The following VPS13A variants were observed in gnomAD, a reference collection of about 807,000 sequenced individuals.
VPS13A encodes vacuolar protein sorting 13 homolog A.
In VPS13A, 264 loss-of-function variants were observed where a neutral mutation model predicts 390.9. That is an observed-to-expected ratio of 0.68 (90% confidence interval 0.61 to 0.75). The LOEUF (loss-of-function observed/expected upper bound fraction) is 0.75, where lower values mean the gene tolerates loss of function less well. VPS13A is among the 30% of genes least tolerant of loss of function. The pLI is 0.00. For missense variants in VPS13A, 3,409 were observed against 3,733.9 expected (o/e 0.91, Z 2.27); for synonymous variants, 1,231 against 1,227.1 (o/e 1.00, Z -0.07).
chr9:77,251,898 A>G (rs554857865), intron 21 of VPS13A, among the ~76,000 whole-genome samples: 1 of 152,316 alleles, frequency 6.6e-6, no homozygotes, highest in African/African-American at 2.4e-5. Flanking sequence ...TAACATTTAA[A>G]CATTACCTAG....
intron 71 of VPS13A, among the ~76,000 whole-genome samples, chr9:77,413,748 A>C (rs532939552): frequency 3.3e-4 from 50 of 152,276 alleles, no homozygotes; most frequent in Admixed American, 1.6e-3. Flanking sequence ...AATGGGATCT[A>C]ATTAAACTAA....
rs1826070418 is a variant in VPS13A at position 77,213,220 on chromosome 9, A to C, written c.616-14A>C. The C allele has an allele frequency of 9.9e-6, 16 of 1,610,990 alleles. No homozygotes were observed. The highest frequency in any genetic ancestry group is 2.7e-5 in the African/African-American group (2 of 74,978). On this transcript the variant is annotated splice_polypyrimidine_tract_variant and intron_variant, in intron 8 of 71. Transcript: ENST00000360280. ...TTCAAAGAAAATGAGACATCTAATA[A>C]ATTTTATTTTCAGTTAATCCGATTG... is the stretch of plus-strand genomic sequence containing the variant.
chr9:77,202,078 G>A (rs1022273155), intron 3 of VPS13A, among the ~76,000 whole-genome samples: 2 of 152,126 alleles, frequency 1.3e-5, no homozygotes, highest in Non-Finnish European at 2.9e-5. Flanking sequence ...GTGGTAGGAT[G>A]TATACATTGT....
chr9:77,253,998 A>G (rs1825299927), intron 22 of VPS13A, among the ~76,000 whole-genome samples: 1 of 125,542 alleles, frequency 8.0e-6, no homozygotes, highest in South Asian at 2.5e-4. Context: ...GCTGGAGTGC[A>G]GTGGCATGAT....
Position 77,318,491 on chromosome 9 carries a change from G to C in VPS13A, c.5213G>C (p.Gly1738Ala), listed in dbSNP as rs757929456. Residue 1738 changes from glycine (G) to alanine (A), a missense_variant, in exon 41 of 72, where the codon GGT (glycine) becomes GCT (alanine). Physicochemically the swap from Gly to Ala is moderately conservative, Grantham distance 60 (BLOSUM62 0). This residue lies in a region of VPS13A where 2,717 missense variants were observed against 2,917.4 expected (regional missense o/e 0.93). Transcript: ENST00000360280. Reference sequence around the variant, plus strand: ...TTTATAGTTCTTGAGGCTGGAATTGGTCATAGAACAGTACCTATGCTTCTG... The same window carrying C: ...TTTATAGTTCTTGAGGCTGGAATTGCTCATAGAACAGTACCTATGCTTCTG... ...SIFIVLEAGIGHRTVPMLLAK... is the reference protein window; with the variant it reads ...SIFIVLEAGIAHRTVPMLLAK... 1.2e-6 allele frequency: 2 copies of C among 1,613,940 alleles called. No homozygotes were observed. Among genetic ancestry groups the C allele is most frequent in the Admixed American group, 3.3e-5 (2 of 59,998 alleles).
In VPS13A at chr9:77,384,950, G is replaced by A. The variant is rs1039924330; in HGVS notation, c.9189+2863G>A. On this transcript the variant is annotated intron_variant, in intron 68 of 71. Coordinates refer to ENST00000360280, the MANE Select transcript of VPS13A (RefSeq NM_033305.3). ...TTTGTATTGCATAGTTTGTCTTTAAGAGTTCAAGTTAGACTTAAATATAAT... is the reference window on the plus strand; with the variant it reads ...TTTGTATTGCATAGTTTGTCTTTAAAAGTTCAAGTTAGACTTAAATATAAT... The A allele has an allele frequency of 6.7e-6, 8 of 1,201,610 alleles. No homozygotes were observed. The African/African-American group carries it at 1.1e-4, about 17-fold the overall frequency. 74.4% of individuals were successfully genotyped at this position (1,201,610 alleles called of 1,614,324 possible).
intron 13 of VPS13A, among the ~76,000 whole-genome samples, chr9:77,224,962 A>T (rs780204951): frequency 6.6e-6 from 1 of 152,218 alleles, no homozygotes; most frequent in Non-Finnish European, 1.5e-5. Context: ...TCGAGGCAAG[A>T]TCCTCCATCA....
At chr9:77,205,926 C>G in intron 4 of VPS13A, 52 bp from the exon 5 acceptor site, 625 of 1,164,720 alleles carry the variant, frequency 5.4e-4, no homozygotes, top group Non-Finnish European at 6.3e-4. Flanking sequence ...TTTGGAATGA[C>G]TATATTTAAA....
At chr9:77,186,531 G>A (rs1189092379) in intron 1 of VPS13A, among the ~76,000 whole-genome samples, 1 of 151,966 alleles carries the variant, frequency 6.6e-6, no homozygotes, top group Admixed American at 6.6e-5. Context: ...TCTGCCTCCT[G>A]GGTTCAAGCG....
intron 31 of VPS13A, among the ~76,000 whole-genome samples, chr9:77,292,194 C>CT (rs559465924): frequency 6.1e-4 from 93 of 152,322 alleles, no homozygotes; most frequent in African/African-American, 2.2e-3. Context: ...CATCTCCCGT[C>CT]TTTCTCAAGA....
At chr9:77,341,690 C>CTT (rs1830821898) in intron 50 of VPS13A, among the ~76,000 whole-genome samples, 2 of 23,560 alleles carry the variant, frequency 8.5e-5, no homozygotes, top group African/African-American at 3.8e-4. Context: ...GGACATCTTT[C>CTT]CTTTTTTTTT....
intron 35 of VPS13A, among the ~76,000 whole-genome samples, 188 bp from the exon 36 acceptor site, chr9:77,313,804 A>G (rs770602142): frequency 6.6e-6 from 1 of 152,144 alleles, no homozygotes; most frequent in East Asian, 1.9e-4. Context: ...AATATTCCCA[A>G]ATTATTATGG....
rs766983123 is a variant in VPS13A, at chr9:77,319,562, C to A, written c.5314-10C>A. ...AAGATCATTTTTAATTTAAAAAATT[C>A]TCTCTGTAGGTGCATTATTATAATG... is the stretch of plus-strand genomic sequence containing the variant. On this transcript the variant is annotated splice_polypyrimidine_tract_variant and intron_variant, in intron 41 of 71. Coordinates refer to ENST00000360280, the MANE Select transcript of VPS13A (RefSeq NM_033305.3). 8.5e-6 allele frequency: 13 copies of A among 1,535,448 alleles called. No individual in the cohort carries two copies. The highest frequency in any genetic ancestry group is 2.2e-5 in the South Asian group (2 of 89,302).
chr9:77,334,074 G>A (rs1376928863), intron 46 of VPS13A, among the ~76,000 whole-genome samples: 3 of 152,050 alleles, frequency 2.0e-5, no homozygotes, highest in Non-Finnish European at 2.9e-5. Flanking sequence ...CATGAAGTAC[G>A]GTAACATCTG....
At chr9:77,234,663 C>T (rs1315996036) in intron 17 of VPS13A, among the ~76,000 whole-genome samples, 1 of 152,006 alleles carries the variant, frequency 6.6e-6, no homozygotes, top group Non-Finnish European at 1.5e-5. Flanking sequence ...TTACATTTAA[C>T]ATGTTTACTG....
At chr9:77,408,903 T>G (rs866241297) in intron 71 of VPS13A, among the ~76,000 whole-genome samples, 40 of 152,322 alleles carry the variant, frequency 2.6e-4, no homozygotes, top group African/African-American at 9.1e-4. Flanking sequence ...AGCAGAATCC[T>G]CTGCAGACTT....
At chr9:77,332,669 A>C (rs924238996) in intron 46 of VPS13A, among the ~76,000 whole-genome samples, 1 of 152,134 alleles carries the variant, frequency 6.6e-6, no homozygotes, top group African/African-American at 2.4e-5. Context: ...AGTCTTATAG[A>C]TTTTATATCA....
At chr9:77,374,763 T>G (rs1384413842) in intron 67 of VPS13A, among the ~76,000 whole-genome samples, 1 of 152,194 alleles carries the variant, frequency 6.6e-6, no homozygotes, top group African/African-American at 2.4e-5. Flanking sequence ...TTTAGTAGTT[T>G]CTTTATTGTT....
At position 77,276,001 on chromosome 9, in the gene VPS13A, C is replaced by T. The variant is rs1019466761; in HGVS notation, c.2668-64C>T. 24 of 1,529,070 alleles carry T rather than the reference C, an allele frequency of 1.6e-5. No individual in the cohort carries two copies. In the East Asian group the frequency reaches 2.9e-4, roughly 19 times the overall value. 94.7% of individuals were successfully genotyped at this position (1,529,070 alleles called of 1,614,324 possible). A position where few individuals can be genotyped will look rare whatever the true frequency, so the allele number is the denominator to read the frequency against. On this transcript the variant is annotated intron_variant, in intron 25 of 71. Transcript: ENST00000360280. The stretch of plus-strand genomic sequence containing the variant: ...TATACCTCATATATTCACATGTAAC[C>T]ACTATGCACATAAACATGTTTTTGT...
Sources: gnomAD v4.1 joint callset for allele counts (sites outside exome capture counted in the v4.1 genomes callset) on GRCh38, gnomAD v4.1.1 for gene constraint, gnomAD v4.1.1 regional missense constraint, MANE v1.5 for transcripts, NCBI Gene and HGNC (gene_info 2026-07-23, HGNC 2026-07-21) for gene names.